Variants in CALN1 observed in about 807,000 individuals in gnomAD.
CALN1 encodes the protein calneuron 1, also known as calcium-binding protein 8.
In CALN1, 17 loss-of-function variants were observed where a neutral mutation model predicts 30.6. The observed-to-expected ratio is 0.56, with a 90% CI of 0.38 to 0.83. CALN1 has a LOEUF of 0.83. Among genes scored for constraint, CALN1 ranks in the 40% least tolerant of loss-of-function variants. CALN1 has a pLI of 0.00. For synonymous variants in CALN1, 156 were observed against 131.4 expected (o/e 1.19, Z -1.28); for missense variants, 291 against 354.9 (o/e 0.82, Z 1.45).
chr7:72,293,355 G>A (rs959404584), intron 2 of CALN1, among the ~76,000 whole-genome samples: 7 of 152,134 alleles, frequency 4.6e-5, no homozygotes, highest in Non-Finnish European at 8.8e-5. Flanking sequence ...TAAAAGGAGA[G>A]ATGGAAAGGC....
the CALN1 span, among the ~76,000 whole-genome samples, chr7:72,491,619 C>A: frequency 6.6e-6 from 1 of 152,188 alleles, no homozygotes; most frequent in Admixed American, 6.5e-5. Context: ...TCTTTTCTTT[C>A]ACGTTCATTC....
At chr7:71,949,216 G>C (rs1164115690) in intron 5 of CALN1, among the ~76,000 whole-genome samples, 1 of 152,124 alleles carries the variant, frequency 6.6e-6, no homozygotes, top group Non-Finnish European at 1.5e-5. Context: ...TGGAGACAGG[G>C]AACATAAGGA....
chr7:71,803,024 AAAAAAG>A (rs903750439), intron 6 of CALN1, among the ~76,000 whole-genome samples: 3 of 152,134 alleles, frequency 2.0e-5, no homozygotes, highest in African/African-American at 4.8e-5. Flanking sequence ...ACCCTGTCTC[AAAAAAG>A]AAAAAGAAAA....
At chr7:71,843,627 A>C (rs555295792) in intron 5 of CALN1, among the ~76,000 whole-genome samples, 23 of 152,076 alleles carry the variant, frequency 1.5e-4, no homozygotes, top group African/African-American at 5.3e-4. Context: ...TGTCTCTAAA[A>C]AACAAACAAA....
chr7:72,274,054 T>G (rs1257394835), intron 3 of CALN1, among the ~76,000 whole-genome samples: 1 of 152,114 alleles, frequency 6.6e-6, no homozygotes, highest in Non-Finnish European at 1.5e-5. Flanking sequence ...GGAAAATAGC[T>G]AATAGCTATT....
intron 3 of CALN1, among the ~76,000 whole-genome samples, chr7:72,233,731 T>C (rs1445755225): frequency 2.6e-5 from 4 of 151,932 alleles, no homozygotes; most frequent in African/African-American, 7.2e-5. Context: ...AGGCCAGGCA[T>C]GCTGGCTCAC....
chr7:72,478,572 T>G, the CALN1 span, among the ~76,000 whole-genome samples: 5 of 151,468 alleles, frequency 3.3e-5, no homozygotes, highest in Admixed American at 6.6e-5. Context: ...CATCCCAGTC[T>G]TCCTAAAATA....
chr7:71,794,667 C>A (rs1256599387), intron 6 of CALN1, among the ~76,000 whole-genome samples: 2 of 152,208 alleles, frequency 1.3e-5, no homozygotes, highest in Non-Finnish European at 1.5e-5. Flanking sequence ...TACAAAATTT[C>A]ATTCTTGCAT....
chr7:72,042,122 G>A (rs924043670), intron 4 of CALN1, among the ~76,000 whole-genome samples: 2 of 152,106 alleles, frequency 1.3e-5, no homozygotes, highest in Non-Finnish European at 2.9e-5. Context: ...TGGTTTGAAG[G>A]GGACTGAAGG....
At chr7:71,851,925 G>C (rs1351311675) in intron 5 of CALN1, among the ~76,000 whole-genome samples, 1 of 152,112 alleles carries the variant, frequency 6.6e-6, no homozygotes, top group Non-Finnish European at 1.5e-5. Flanking sequence ...TTTTTCCTGA[G>C]AGGATCTGCC....
chr7:71,900,024 A>C (rs1793762484), intron 5 of CALN1, among the ~76,000 whole-genome samples: 1 of 152,214 alleles, frequency 6.6e-6, no homozygotes. Context: ...AATAAAATAA[A>C]AACTTGCTAG....
At chr7:71,873,603 A>T (rs2116755300) in intron 5 of CALN1, among the ~76,000 whole-genome samples, 1 of 146,618 alleles carries the variant, frequency 6.8e-6, no homozygotes. Context: ...TGCTCAAGAA[A>T]AAAATAAAAG....
intron 1 of CALN1, among the ~76,000 whole-genome samples, 163 bp downstream of exon 1, chr7:72,411,895 G>C (rs752957640): frequency 1.3e-5 from 2 of 152,302 alleles, no homozygotes; most frequent in South Asian, 2.1e-4. Context: ...CTCTCTTTTA[G>C]AGAGGTATCA....
chr7:72,499,899 TTCTTTCTTTCTTTCTA>T, the CALN1 span, among the ~76,000 whole-genome samples: 291 of 53,218 alleles, frequency 5.5e-3, 55 homozygotes, highest in African/African-American at 0.022. Context: ...CTTTCTTTCT[TTCTTTCTTTCTTTCTA>T]TCTTTCTCTT....
intron 5 of CALN1, among the ~76,000 whole-genome samples, chr7:71,822,758 T>C (rs1788670118): frequency 6.6e-6 from 1 of 152,236 alleles, no homozygotes; most frequent in Non-Finnish European, 1.5e-5. Context: ...TCCTACCTTT[T>C]GCCTCATGCT....
chr7:72,250,320 C>T (rs1488347149), intron 3 of CALN1, among the ~76,000 whole-genome samples: 4 of 152,168 alleles, frequency 2.6e-5, no homozygotes, highest in Admixed American at 2.6e-4. Context: ...AGCTGTGTGA[C>T]CTTGAGGCAG....
At chr7:72,482,918 T>A in the CALN1 span, among the ~76,000 whole-genome samples, 2 of 152,220 alleles carry the variant, frequency 1.3e-5, no homozygotes, top group African/African-American at 4.8e-5. Flanking sequence ...TTCTTTCAAT[T>A]TTCTGTGTCC....
At chr7:71,938,655 C>T (rs1367873124) in intron 5 of CALN1, among the ~76,000 whole-genome samples, 3 of 151,988 alleles carry the variant, frequency 2.0e-5, no homozygotes, top group Non-Finnish European at 2.9e-5. Context: ...ATTAGCTGGG[C>T]GTGGTGGCAG....
chr7:71,903,692 A>C (rs1008768579), intron 5 of CALN1, among the ~76,000 whole-genome samples: 5 of 152,222 alleles, frequency 3.3e-5, no homozygotes, highest in African/African-American at 4.8e-5. Flanking sequence ...GCAAAAGCAA[A>C]AACAGACAAA....
Sources: gnomAD v4.1 joint callset for allele counts (sites outside exome capture counted in the v4.1 genomes callset) on GRCh38, gnomAD v4.1.1 for gene constraint, MANE v1.5 for transcripts, NCBI Gene and HGNC (gene_info 2026-07-23, HGNC 2026-07-21) for gene names.